The following ZNF491 variants were observed in gnomAD, a reference collection of about 807,000 sequenced individuals.
ZNF491 encodes zinc finger protein 491.
A neutral mutation model predicts 34.7 loss-of-function variants in ZNF491; 22 were observed. That is an observed-to-expected ratio of 0.63 (90% CI 0.45 to 0.90). ZNF491 has a LOEUF of 0.90. Among genes scored for constraint, ZNF491 ranks in the 40% least tolerant of loss-of-function variants. ZNF491 has a pLI of 0.00. For synonymous variants in ZNF491, 148 were observed against 174.3 expected, an observed-to-expected ratio of 0.85 and a Z score of 1.19; for missense variants, 559 against 531.7, an observed-to-expected ratio of 1.05 and a Z score of -0.51.
At chr19:11,802,868 AG>A (rs1354220587) in intron 1 of ZNF491, among the ~76,000 whole-genome samples, 1 of 152,150 alleles carries the variant, frequency 6.6e-6, no homozygotes, top group African/African-American at 2.4e-5. Flanking sequence ...CACATGAATT[AG>A]TAGGACTCTG....
rs71166629 is a variant in ZNF491 at position 11,804,206 on chromosome 19, C to CAA, written c.-133-313_-133-312dup. 4.1e-3 allele frequency among the ~76,000 whole-genome samples: 282 copies of CAA among 69,356 alleles called. 5 individuals are homozygous for CAA. The highest frequency in any genetic ancestry group is 0.012 in the African/African-American group (180 of 15,438). The allele number at this position is 69,356 out of a possible 152,430, so 45.5% of individuals were successfully genotyped here. ...TGACAGAGTGAGGCCCCATCTCAGA[C>CAA]AAAAAAAAAAAAAAAAAAAAAAAAG... On this transcript the variant is annotated intron_variant, in intron 1 of 2. Coordinates refer to ENST00000323169, the MANE Select transcript of ZNF491 (RefSeq NM_152356.4).
In ZNF491 at chr19:11,808,219, T is replaced by G. The variant is rs1599283368; in HGVS notation, c.*952T>G. ...CAACACAGTGAAACCCCATCTCTAC[T>G]AAAAGTACCAAAGTTAGCCGGGTGT... On this transcript the variant is annotated 3_prime_UTR_variant, in exon 3 of 3. Transcript: ENST00000323169. 1 of 159,538 alleles carries G rather than the reference T, an allele frequency of 6.3e-6. No individual in the cohort carries two copies. Among genetic ancestry groups the G allele is most frequent in the Non-Finnish European group, 1.5e-5 (1 of 68,072 alleles). The allele number at this position is 159,538 out of a possible 1,614,324, so 9.9% of individuals were successfully genotyped here. A position where few individuals can be genotyped will look rare whatever the true frequency, so the allele number is the denominator to read the frequency against.
At position 11,804,184 on chromosome 19, in the gene ZNF491, C is replaced by G. The variant is rs1031284858; in HGVS notation, c.-133-358C>G. Among the ~76,000 whole-genome samples the G allele has an allele frequency of 2.4e-5, 3 of 122,612 alleles. No individual in the cohort carries two copies. The East Asian group carries it at 7.3e-4, about 30-fold the overall frequency. 80.4% of individuals were successfully genotyped at this position (122,612 alleles called of 152,430 possible). On this transcript the variant is annotated intron_variant, in intron 1 of 2. Coordinates refer to ENST00000323169, the MANE Select transcript of ZNF491 (RefSeq NM_152356.4). ...CGCCACTGCACTCCAGCCTGGGTGA[C>G]AGAGTGAGGCCCCATCTCAGACAAA...
intron 1 of ZNF491, among the ~76,000 whole-genome samples, chr19:11,803,974 G>A (rs1252284513): frequency 6.6e-6 from 1 of 152,010 alleles, no homozygotes; most frequent in African/African-American, 2.4e-5. Context: ...GGAGGCCAAG[G>A]TGGGCAGATG....
intron 1 of ZNF491, among the ~76,000 whole-genome samples, chr19:11,800,048 C>A (rs1441992632): frequency 6.6e-6 from 1 of 152,098 alleles, no homozygotes; most frequent in Non-Finnish European, 1.5e-5. Context: ...ATTGAATTTA[C>A]AGCTAATAGG....
intron 1 of ZNF491, among the ~76,000 whole-genome samples, chr19:11,803,345 G>T (rs900316563): frequency 1.3e-5 from 2 of 152,168 alleles, no homozygotes; most frequent in African/African-American, 2.4e-5. Flanking sequence ...AATCTACAAA[G>T]TTCCCATATA....
chr19:11,806,653 GA>G lies in ZNF491; in HGVS notation c.703del (p.Arg235GlyfsTer22). On this transcript the variant is annotated frameshift_variant, in exon 3 of 3. Coordinates refer to ENST00000323169, the MANE Select transcript of ZNF491 (RefSeq NM_152356.4). LOFTEE classifies it high-confidence loss of function. ...TTGTCCCAGTTCTTTTCACAGGCATGAAAGGACTCACACAGGAGAAAAACCC... is the reference window on the plus strand; with the variant it reads ...TTGTCCCAGTTCTTTTCACAGGCATGAAGGACTCACACAGGAGAAAAACCC... ...FNCPSSFHRH[E>X]RTHTGEKPYE... 1 of 1,613,694 alleles carries G rather than the reference GA, an allele frequency of 6.2e-7. No individual in the cohort carries two copies. Among genetic ancestry groups the G allele is most frequent in the Non-Finnish European group, 8.5e-7 (1 of 1,179,874 alleles).
chr19:11,806,911 A>G lies in ZNF491; in HGVS notation c.958A>G (p.Thr320Ala). The part of the protein sequence containing the change: ...CSTSFQYHER[T>A]HTGEKPDGCK... ...CACTTCGTTTCAATATCATGAAAGG[A>G]CTCACACTGGAGAGAAACCCGATGG... is the stretch of plus-strand genomic sequence containing the variant. Residue 320 changes from threonine to alanine, a missense_variant, in exon 3 of 3, where the codon ACT (threonine) becomes GCT (alanine). Coordinates refer to ENST00000323169, the MANE Select transcript of ZNF491 (RefSeq NM_152356.4). 4.3e-6 allele frequency: 7 copies of G among 1,612,980 alleles called. No homozygotes were observed. Among genetic ancestry groups the G allele is most frequent in the Non-Finnish European group, 5.9e-6 (7 of 1,179,600 alleles).
intron 1 of ZNF491, 126 bp from the exon 2 acceptor site, chr19:11,804,416 T>A (rs1055418790): frequency 3.9e-6 from 5 of 1,280,768 alleles, no homozygotes; most frequent in African/African-American, 3.1e-5. Context: ...GTAAGAGGTC[T>A]GATGACAGAG....
At chr19:11,804,488 C>T (rs1975588746) in intron 1 of ZNF491, 54 bp from the exon 2 acceptor site, 2 of 1,477,202 alleles carry the variant, frequency 1.4e-6, no homozygotes, top group South Asian at 1.4e-5. Context: ...AGAGTCTAGG[C>T]CCCCAGTGCT....
chr19:11,803,007 A>G (rs1057088658), intron 1 of ZNF491, among the ~76,000 whole-genome samples: 3 of 145,974 alleles, frequency 2.1e-5, no homozygotes, highest in South Asian at 2.2e-4. Flanking sequence ...TCCAAGATGG[A>G]CTCTCACTCT....
Position 11,807,288 on chromosome 19 carries a change from T to A in ZNF491, c.*21T>A. On this transcript the variant is annotated 3_prime_UTR_variant, in exon 3 of 3. Transcript: ENST00000323169. ...TATGAGAGAAATGCTATTTTTTAATTTTTATTTTAATAGAGACAGGGTCTC... is the reference window on the plus strand; with the variant it reads ...TATGAGAGAAATGCTATTTTTTAATATTTATTTTAATAGAGACAGGGTCTC... 6.7e-7 allele frequency: 1 copy of A among 1,485,270 alleles called. No individual in the cohort carries two copies. The highest frequency in any genetic ancestry group is 9.0e-7 in the Non-Finnish European group (1 of 1,116,446). 92.0% of individuals were successfully genotyped at this position (1,485,270 alleles called of 1,614,324 possible).
At position 11,803,241 on chromosome 19, in the gene ZNF491, C is replaced by A. The variant is rs139261523; in HGVS notation, c.-133-1301C>A. ...CAGGTGATCTGCCTGTCTTGGCCTC[C>A]CAAAGTGCTGGGATTACAGGCGTGA... On this transcript the variant is annotated intron_variant, in intron 1 of 2. Coordinates refer to ENST00000323169, the MANE Select transcript of ZNF491 (RefSeq NM_152356.4). Among the ~76,000 whole-genome samples the A allele has an allele frequency of 3.2e-3, 485 of 152,184 alleles. 4 individuals carry two copies. The highest frequency in any genetic ancestry group is 0.011 in the African/African-American group (477 of 41,512).
intron 1 of ZNF491, among the ~76,000 whole-genome samples, chr19:11,800,948 G>T (rs967592960): frequency 6.6e-6 from 1 of 151,906 alleles, no homozygotes; most frequent in Non-Finnish European, 1.5e-5. Flanking sequence ...AAGGCGGGAG[G>T]ATCGCTTGAG....
Position 11,806,160 on chromosome 19 carries a change from AT to A in ZNF491, c.212del (p.Leu71Ter), listed in dbSNP as rs55951313. 3 of 1,613,998 alleles carry A rather than the reference AT, an allele frequency of 1.9e-6. No individual in the cohort carries two copies. Among genetic ancestry groups the A allele is most frequent in the Non-Finnish European group, 2.5e-6 (3 of 1,180,020 alleles). ...GACACCAACCACATAAGTGTCAGAAATTTTTAGAGAAGCCATATAAACATAA... is the reference window on the plus strand; with the variant it reads ...GACACCAACCACATAAGTGTCAGAAATTTTAGAGAAGCCATATAAACATAA... Reference protein sequence around the residue: ...TGHQPHKCQKFLEKPYKHKQR... With the variant: ...TGHQPHKCQKXLEKPYKHKQR... On this transcript the variant is annotated frameshift_variant, in exon 3 of 3. Transcript: ENST00000323169. LOFTEE classifies it high-confidence loss of function.
chr19:11,808,394 A>T lies in ZNF491; in HGVS notation c.*1127A>T, dbSNP rs1975642367. On this transcript the variant is annotated 3_prime_UTR_variant, in exon 3 of 3. Coordinates refer to ENST00000323169, the MANE Select transcript of ZNF491 (RefSeq NM_152356.4). Reference sequence around the variant, plus strand: ...AATACTCTGTCTCAAAAAAAAAAAAAAAGGTTTATTCACTGTTTTTCAGTT... The same window carrying T: ...AATACTCTGTCTCAAAAAAAAAAAATAAGGTTTATTCACTGTTTTTCAGTT... Among the ~76,000 whole-genome samples the T allele has an allele frequency of 1.3e-5, 2 of 152,216 alleles. No homozygotes were observed. The highest frequency in any genetic ancestry group is 2.4e-5 in the African/African-American group (1 of 41,522).
chr19:11,803,283 A>C (rs1051100010), intron 1 of ZNF491, among the ~76,000 whole-genome samples: 9 of 151,994 alleles, frequency 5.9e-5, no homozygotes, highest in Non-Finnish European at 1.3e-4. Flanking sequence ...ATACCTGGCC[A>C]TAAATTTGTT....
chr19:11,804,445 G>A (rs1975588437), intron 1 of ZNF491, 97 bp from the exon 2 acceptor site: 2 of 1,352,098 alleles, frequency 1.5e-6, no homozygotes, highest in African/African-American at 1.5e-5. Flanking sequence ...TAAATGTTTG[G>A]AGTCCACAGC....
chr19:11,804,530 G>C lies in ZNF491; in HGVS notation c.-133-12G>C. 6.5e-7 allele frequency: 1 copy of C among 1,549,442 alleles called. No individual in the cohort carries two copies. The highest frequency in any genetic ancestry group is 8.7e-7 in the Non-Finnish European group (1 of 1,153,188). On this transcript the variant is annotated splice_polypyrimidine_tract_variant and intron_variant, in intron 1 of 2. Transcript: ENST00000323169. ...CTCACCCATCCTCCTCTACACATGT[G>C]AGATGTTTCAGGACCCAGTGGCCTT...
Sources: gnomAD v4.1 joint callset for allele counts (sites outside exome capture counted in the v4.1 genomes callset) on GRCh38, gnomAD v4.1.1 for gene constraint, MANE v1.5 for transcripts, NCBI Gene and HGNC (gene_info 2026-07-23, HGNC 2026-07-21) for gene names.